PTPRQ: variants seen among roughly 807,000 people sequenced by gnomAD.
PTPRQ encodes the protein phosphatidylinositol phosphatase PTPRQ.
In PTPRQ, 199 loss-of-function variants were observed where a neutral mutation model predicts 246.0. The observed-to-expected ratio is 0.81, with a 90% CI of 0.72 to 0.91. The LOEUF (loss-of-function observed/expected upper bound fraction) is 0.91, where lower values mean the gene tolerates loss of function less well. PTPRQ is among the 40% of genes least tolerant of loss of function. The probability of loss-of-function intolerance (pLI) is 0.00; values close to 1 mark genes in which losing one functional copy is unlikely to be tolerated. For synonymous variants in PTPRQ, 869 were observed against 853.2 expected (o/e 1.02, Z -0.32); for missense variants, 2,624 against 2,528.4 (o/e 1.04, Z -0.81).
chr12:80,540,067 T>C, intron 20 of PTPRQ, 123 bp downstream of exon 20: 1 of 816,950 alleles, frequency 1.2e-6, no homozygotes, highest in Non-Finnish European at 1.7e-6. Context: ...ATTATAGGAG[T>C]TTGAAAATGC....
chr12:80,595,482 A>T (rs1051302665), intron 26 of PTPRQ, among the ~76,000 whole-genome samples: 1 of 152,078 alleles, frequency 6.6e-6, no homozygotes, highest in Middle Eastern at 3.4e-3. Flanking sequence ...TTGCATTGTT[A>T]TTGCCAAAAT....
intron 25 of PTPRQ, among the ~76,000 whole-genome samples, chr12:80,566,028 C>A (rs886892358): frequency 1.3e-5 from 2 of 152,160 alleles, no homozygotes; most frequent in African/African-American, 4.8e-5. Flanking sequence ...TACCTACTCA[C>A]TACAACCTTG....
chr12:80,654,050 TTTC>T (rs1424165752), intron 38 of PTPRQ, among the ~76,000 whole-genome samples: 2 of 150,412 alleles, frequency 1.3e-5, no homozygotes, highest in Non-Finnish European at 2.9e-5. Flanking sequence ...CTTTCTTTCT[TTTC>T]TTTCTTTCTC....
chr12:80,491,072 CAT>C (rs1331113870), intron 9 of PTPRQ, among the ~76,000 whole-genome samples: 3 of 151,870 alleles, frequency 2.0e-5, no homozygotes, highest in African/African-American at 7.3e-5. Context: ...GAGTCATTCA[CAT>C]AGTCAAAAGC....
At chr12:80,521,310 G>A (rs552955861) in intron 17 of PTPRQ, among the ~76,000 whole-genome samples, 1 of 152,024 alleles carries the variant, frequency 6.6e-6, no homozygotes, top group African/African-American at 2.4e-5. Flanking sequence ...CATTCTGAAG[G>A]TTGCCTGTTC....
intron 17 of PTPRQ, among the ~76,000 whole-genome samples, chr12:80,520,346 A>G (rs1452769408): frequency 2.0e-5 from 3 of 151,950 alleles, no homozygotes; most frequent in Non-Finnish European, 4.4e-5. Flanking sequence ...CTTTAATCAC[A>G]TATTACTTTT....
intron 25 of PTPRQ, among the ~76,000 whole-genome samples, chr12:80,580,979 A>G (rs1403036466): frequency 2.6e-5 from 4 of 152,184 alleles, no homozygotes; most frequent in Non-Finnish European, 5.9e-5. Flanking sequence ...CTGTGAACGA[A>G]TATTGATCTG....
intron 35 of PTPRQ, among the ~76,000 whole-genome samples, chr12:80,644,113 T>C (rs1271118515): frequency 1.3e-5 from 2 of 152,198 alleles, no homozygotes; most frequent in Non-Finnish European, 1.5e-5. Context: ...GAGGGAAAGC[T>C]GAGTCTCTGT....
At chr12:80,465,821 A>T (rs12316759) in intron 6 of PTPRQ, among the ~76,000 whole-genome samples, 14,665 of 152,128 alleles carry the variant, frequency 0.096, 1,500 homozygotes, top group African/African-American at 0.25. Context: ...CATGCTAAAA[A>T]CCCTCAATAA....
chr12:80,501,086 G>GA lies in PTPRQ; in HGVS notation c.2272+4562dup, dbSNP rs531997606. Among the ~76,000 whole-genome samples the GA allele has an allele frequency of 3.8e-4, 57 of 151,854 alleles. No individual in the cohort carries two copies. In the South Asian group the frequency reaches 0.011, roughly 30 times the overall value. On this transcript the variant is annotated intron_variant, in intron 14 of 44. Transcript: ENST00000644991. ...CAGCAATTGCCAACTTCTTATAGAG[G>GA]AAAAAAATTGTGGAGTTGGGGCAGA...
chr12:80,455,443 T>C (rs1461083387), intron 3 of PTPRQ, among the ~76,000 whole-genome samples: 1 of 152,208 alleles, frequency 6.6e-6, no homozygotes, highest in Non-Finnish European at 1.5e-5. Context: ...TTTTTACATG[T>C]CTGTTGACAT....
chr12:80,532,824 T>C (rs1295590473), intron 17 of PTPRQ, among the ~76,000 whole-genome samples: 1 of 152,226 alleles, frequency 6.6e-6, no homozygotes, highest in Admixed American at 6.5e-5. Flanking sequence ...TTTCTCACTG[T>C]GGTAAGCTTT....
chr12:80,535,432 T>C (rs1441588270), intron 19 of PTPRQ, among the ~76,000 whole-genome samples: 1 of 152,216 alleles, frequency 6.6e-6, no homozygotes, highest in African/African-American at 2.4e-5. Context: ...TTGTATATGA[T>C]ATAAATAGTT....
At chr12:80,493,205 A>G in intron 9 of PTPRQ, 70 bp from the exon 10 acceptor site, 1 of 1,346,836 alleles carries the variant, frequency 7.4e-7, no homozygotes, top group Non-Finnish European at 9.6e-7. Context: ...GGTTTTTTAG[A>G]ACTAATACTT....
At chr12:80,502,313 C>T (rs1049553208) in intron 14 of PTPRQ, among the ~76,000 whole-genome samples, 4 of 151,700 alleles carry the variant, frequency 2.6e-5, no homozygotes, top group African/African-American at 4.8e-5. Context: ...AGGGGGAGGG[C>T]ATATCAGAGG....
At chr12:80,668,657 A>T (rs532249313) in intron 39 of PTPRQ, among the ~76,000 whole-genome samples, 45 of 151,910 alleles carry the variant, frequency 3.0e-4, no homozygotes, top group Non-Finnish European at 6.3e-4. Context: ...ACTAATTCAC[A>T]ATGATTTTAT....
intron 25 of PTPRQ, among the ~76,000 whole-genome samples, chr12:80,577,804 G>A (rs1897315159): frequency 6.6e-6 from 1 of 151,994 alleles, no homozygotes; most frequent in Admixed American, 6.5e-5. Flanking sequence ...ACATTTATAA[G>A]ACTAATTTGG....
At chr12:80,554,836 G>A (rs987231154) in intron 25 of PTPRQ, among the ~76,000 whole-genome samples, 1 of 152,014 alleles carries the variant, frequency 6.6e-6, no homozygotes, top group Non-Finnish European at 1.5e-5. Context: ...TTAACCTCCT[G>A]GGCTCAAGTG....
intron 16 of PTPRQ, among the ~76,000 whole-genome samples, chr12:80,507,151 C>T (rs1437762530): frequency 6.6e-6 from 1 of 151,848 alleles, no homozygotes; most frequent in Non-Finnish European, 1.5e-5. Flanking sequence ...AGATGCTATT[C>T]CCCAAAGTTA....
Sources: gnomAD v4.1 joint callset for allele counts (sites outside exome capture counted in the v4.1 genomes callset) on GRCh38, gnomAD v4.1.1 for gene constraint, MANE v1.5 for transcripts, NCBI Gene and HGNC (gene_info 2026-07-23, HGNC 2026-07-21) for gene names.